CDH18: variants seen among roughly 807,000 people sequenced by gnomAD.
CDH18 encodes the protein cadherin 18.
Under a neutral mutation model 67.9 loss-of-function variants are expected in CDH18, and 31 were observed. That is an observed-to-expected ratio of 0.46 (90% confidence interval 0.34 to 0.62). The LOEUF (loss-of-function observed/expected upper bound fraction) is 0.62. Ranked by LOEUF, CDH18 falls within the 20% of genes least tolerant of loss-of-function variation. The pLI is 0.01. For missense variants in CDH18, 890 were observed against 975.5 expected (o/e 0.91, Z 1.17); for synonymous variants, 362 against 347.2 (o/e 1.04, Z -0.48).
chr5:20,377,093 C>A (rs1006912124), intron 1 of CDH18, among the ~76,000 whole-genome samples: 5 of 151,982 alleles, frequency 3.3e-5, no homozygotes, highest in Non-Finnish European at 5.9e-5. Context: ...GCGGTCACTT[C>A]CCTCACTCGT....
intron 3 of CDH18, among the ~76,000 whole-genome samples, chr5:19,808,134 T>C (rs1778222369): frequency 6.6e-6 from 1 of 152,114 alleles, no homozygotes; most frequent in African/African-American, 2.4e-5. Flanking sequence ...TTCTTTTGTT[T>C]TTAATGTAGA....
intron 2 of CDH18, among the ~76,000 whole-genome samples, chr5:20,005,231 C>T (rs538395523): frequency 6.6e-6 from 1 of 152,230 alleles, no homozygotes; most frequent in Non-Finnish European, 1.5e-5. Flanking sequence ...AGATATCTCA[C>T]CAGTGGCACT....
chr5:20,286,666 C>A (rs1312662782), intron 1 of CDH18, among the ~76,000 whole-genome samples: 1 of 151,650 alleles, frequency 6.6e-6, no homozygotes, highest in Non-Finnish European at 1.5e-5. Context: ...AGATCTACTG[C>A]ATTTTCATCT....
At chr5:20,348,277 A>G (rs1740875539) in intron 1 of CDH18, among the ~76,000 whole-genome samples, 1 of 152,168 alleles carries the variant, frequency 6.6e-6, no homozygotes, top group Non-Finnish European at 1.5e-5. Flanking sequence ...GACATCCATT[A>G]ATTGCTTAAT....
intron 1 of CDH18, among the ~76,000 whole-genome samples, chr5:20,424,712 A>G (rs1262058037): frequency 7.6e-6 from 1 of 131,792 alleles, no homozygotes; most frequent in Non-Finnish European, 1.6e-5. Context: ...CCACCACTAC[A>G]CTCCAGCCTG....
intron 11 of CDH18, among the ~76,000 whole-genome samples, chr5:19,490,948 C>G (rs1189573083): frequency 6.6e-6 from 1 of 151,996 alleles, no homozygotes; most frequent in African/African-American, 2.4e-5. Context: ...AGAGAGAGAA[C>G]AAAAGCATAT....
intron 1 of CDH18, among the ~76,000 whole-genome samples, chr5:20,366,479 C>G (rs536636841): frequency 5.3e-4 from 81 of 152,278 alleles, no homozygotes; most frequent in Non-Finnish European, 8.2e-4. Flanking sequence ...AATTTATTTT[C>G]CACAACATGT....
At chr5:19,754,158 C>T (rs1771220190) in intron 3 of CDH18, among the ~76,000 whole-genome samples, 1 of 152,120 alleles carries the variant, frequency 6.6e-6, no homozygotes, top group South Asian at 2.1e-4. Context: ...TACCTCACAT[C>T]TCAACATTAA....
chr5:19,989,747 G>A (rs1157043225), upstream of CDH18, among the ~76,000 whole-genome samples: 1 of 152,182 alleles, frequency 6.6e-6, no homozygotes, highest in Non-Finnish European at 1.5e-5. Context: ...TTGCTTGAGT[G>A]ATGTGAAATG....
chr5:19,922,733 T>C (rs771023921), intron 2 of CDH18, among the ~76,000 whole-genome samples: 4 of 152,148 alleles, frequency 2.6e-5, no homozygotes, highest in South Asian at 2.1e-4. Flanking sequence ...TTACTAACCT[T>C]TGAGACATTT....
At chr5:20,034,201 G>C (rs1001972669) in intron 2 of CDH18, among the ~76,000 whole-genome samples, 2 of 151,934 alleles carry the variant, frequency 1.3e-5, no homozygotes, top group African/African-American at 2.4e-5. Context: ...TAAAATATCA[G>C]GGCTAGGGAT....
chr5:20,474,031 T>G (rs1053575455), intron 1 of CDH18, among the ~76,000 whole-genome samples: 2 of 152,216 alleles, frequency 1.3e-5, no homozygotes, highest in Non-Finnish European at 2.9e-5. Flanking sequence ...AAAACAAGAT[T>G]GAAATAATTA....
At chr5:19,706,019 T>A (rs559127261) in intron 5 of CDH18, among the ~76,000 whole-genome samples, 4 of 152,292 alleles carry the variant, frequency 2.6e-5, no homozygotes, top group Non-Finnish European at 4.4e-5. Context: ...TGTAAAGTTT[T>A]CCAGACGCCC....
chr5:20,017,639 T>A (rs1443709351), intron 2 of CDH18, among the ~76,000 whole-genome samples: 1 of 152,178 alleles, frequency 6.6e-6, no homozygotes, highest in East Asian at 1.9e-4. Context: ...AATAACTATG[T>A]TGTCACATCA....
At chr5:20,471,825 A>G (rs1393825983) in intron 1 of CDH18, among the ~76,000 whole-genome samples, 1 of 138,884 alleles carries the variant, frequency 7.2e-6, no homozygotes, top group African/African-American at 3.0e-5. Context: ...ACAGATCGAG[A>G]TTCAGTCTAA....
chr5:19,781,446 T>C (rs1290477109), intron 3 of CDH18, among the ~76,000 whole-genome samples: 1 of 152,112 alleles, frequency 6.6e-6, no homozygotes, highest in Admixed American at 6.5e-5. Flanking sequence ...GAAAGATTAA[T>C]TATAATCATA....
Position 20,372,564 on chromosome 5 carries a change from T to C in CDH18, c.-579-117059A>G, listed in dbSNP as rs189293565. ...TATGTGATTTGGAAATCAAGTTTAC[T>C]GGAAAACAGCAAGAATTTTAATTGA... On this transcript the variant is annotated intron_variant, in intron 1 of 14. Transcript: ENST00000507958. Among the ~76,000 whole-genome samples the C allele has an allele frequency of 3.2e-4, 49 of 152,324 alleles. No individual in the cohort carries two copies. The East Asian group carries it at 7.7e-3, about 24-fold the overall frequency.
At chr5:19,826,222 G>A (rs554654128) in intron 3 of CDH18, among the ~76,000 whole-genome samples, 7 of 152,258 alleles carry the variant, frequency 4.6e-5, no homozygotes, top group African/African-American at 1.4e-4. Context: ...CAAGAAATAT[G>A]AGATTATGTA....
At chr5:19,479,634 C>T (rs1561150348) in intron 12 of CDH18, among the ~76,000 whole-genome samples, 2 of 152,056 alleles carry the variant, frequency 1.3e-5, no homozygotes, top group East Asian at 3.9e-4. Context: ...ACCACGTGTT[C>T]ACACCAAACC....
Sources: allele counts gnomAD v4.1 joint callset (sites outside exome capture counted in the v4.1 genomes callset), GRCh38; gene constraint gnomAD v4.1.1; transcripts MANE v1.5; gene names NCBI Gene and HGNC (gene_info 2026-07-23, HGNC 2026-07-21).